Variants in TNNI3K observed in about 807,000 individuals in gnomAD.
TNNI3K encodes the protein TNNI3 interacting kinase.
Under a neutral mutation model 114.5 loss-of-function variants are expected in TNNI3K, and 140 were observed. The ratio of observed to expected loss-of-function variants is 1.22; its 90% CI spans 1.07 to 1.41. TNNI3K has a LOEUF of 1.41. Ranked by LOEUF, TNNI3K falls within the 40% of genes most tolerant of loss-of-function variation. The pLI, the probability that TNNI3K is intolerant of heterozygous loss-of-function variation, is 0.00. For synonymous variants in TNNI3K, 347 were observed against 347.5 expected, an observed-to-expected ratio of 1.00 and a Z score of 0.02; for missense variants, 1,125 against 1,007.6, an observed-to-expected ratio of 1.12 and a Z score of -1.58.
At chr1:74,249,072 C>A (rs2100844528) in intron 2 of TNNI3K, among the ~76,000 whole-genome samples, 1 of 151,968 alleles carries the variant, frequency 6.6e-6, no homozygotes. Flanking sequence ...ACATAATAAT[C>A]AATTTTATAT....
At chr1:74,532,117 C>A (rs1046145332) in intron 23 of TNNI3K, among the ~76,000 whole-genome samples, 19 of 152,118 alleles carry the variant, frequency 1.2e-4, no homozygotes, top group African/African-American at 4.6e-4. Context: ...TCCATGCATG[C>A]AGCTTAAAAA....
intron 7 of TNNI3K, among the ~76,000 whole-genome samples, chr1:74,337,599 A>G (rs184171309): frequency 3.4e-4 from 52 of 152,282 alleles, no homozygotes; most frequent in Middle Eastern, 6.8e-3. Flanking sequence ...GAAATCTTAA[A>G]TATATAACCT....
intron 9 of TNNI3K, among the ~76,000 whole-genome samples, chr1:74,344,621 G>A (rs1197250456): frequency 1.3e-5 from 2 of 152,084 alleles, no homozygotes; most frequent in Admixed American, 1.3e-4. Context: ...TTCCGTTTAG[G>A]TCATGCCTGT....
intron 17 of TNNI3K, among the ~76,000 whole-genome samples, chr1:74,423,221 TTTC>T (rs1441056564): frequency 6.6e-6 from 1 of 150,446 alleles, no homozygotes; most frequent in African/African-American, 2.4e-5. Context: ...TGTGGCCCTC[TTTC>T]TTTTGTCTCT....
intron 5 of TNNI3K, among the ~76,000 whole-genome samples, chr1:74,312,271 TG>T: frequency 6.6e-6 from 1 of 152,326 alleles, no homozygotes; most frequent in South Asian, 2.1e-4. Context: ...AGCAGTCACC[TG>T]CCAAAGAGGG....
chr1:74,356,153 T>C (rs12120640), intron 11 of TNNI3K, among the ~76,000 whole-genome samples: 15,763 of 152,202 alleles, frequency 0.1, 918 homozygotes, highest in Non-Finnish European at 0.13. Context: ...GTGTCTGGCT[T>C]TTTTCAGCCA....
intron 17 of TNNI3K, among the ~76,000 whole-genome samples, chr1:74,411,428 A>G (rs1196706131): frequency 1.3e-5 from 2 of 152,158 alleles, no homozygotes; most frequent in East Asian, 1.9e-4. Context: ...AGAAATTTTT[A>G]TATACAAATG....
intron 23 of TNNI3K, among the ~76,000 whole-genome samples, chr1:74,501,112 G>A (rs563856411): frequency 4.6e-5 from 7 of 151,958 alleles, no homozygotes; most frequent in South Asian, 2.1e-4. Context: ...ATTTTTTAAA[G>A]TTTCTCACTC....
intron 4 of TNNI3K, among the ~76,000 whole-genome samples, chr1:74,267,691 A>C (rs1358292670): frequency 1.3e-5 from 2 of 151,998 alleles, no homozygotes; most frequent in African/African-American, 2.4e-5. Context: ...TGCATAAGAT[A>C]AAAGTTTTAT....
At chr1:74,506,598 A>C (rs1264250561) in intron 23 of TNNI3K, among the ~76,000 whole-genome samples, 2 of 152,226 alleles carry the variant, frequency 1.3e-5, no homozygotes, top group Admixed American at 6.5e-5. Context: ...GCTGTGACTC[A>C]CAGACCAGCA....
intron 4 of TNNI3K, among the ~76,000 whole-genome samples, chr1:74,262,982 A>C (rs182335443): frequency 1.3e-5 from 2 of 152,040 alleles, no homozygotes; most frequent in Admixed American, 1.3e-4. Context: ...CTTCCTCTAT[A>C]TTAGCGGTCA....
At chr1:74,290,339 C>T (rs1657603592) in intron 5 of TNNI3K, among the ~76,000 whole-genome samples, 1 of 151,120 alleles carries the variant, frequency 6.6e-6, no homozygotes, top group Non-Finnish European at 1.5e-5. Context: ...GAAAAAAACC[C>T]AGCACCAATA....
intron 17 of TNNI3K, chr1:74,371,996 T>A (rs1662631104): frequency 6.6e-6 from 1 of 151,420 alleles, no homozygotes. Flanking sequence ...CAGAGTTTAT[T>A]CAAGCTCAAA....
chr1:74,429,518 G>C (rs779991069), intron 17 of TNNI3K, among the ~76,000 whole-genome samples: 1 of 152,122 alleles, frequency 6.6e-6, no homozygotes, highest in Admixed American at 6.5e-5. Context: ...AAAAGTTCAT[G>C]AGGGGTTTTC....
At chr1:74,429,018 A>G (rs1665768535) in intron 17 of TNNI3K, among the ~76,000 whole-genome samples, 1 of 152,050 alleles carries the variant, frequency 6.6e-6, no homozygotes, top group Non-Finnish European at 1.5e-5. Context: ...TTACTGTACA[A>G]TTGTTATTAT....
chr1:74,414,578 A>C (rs1339648339), intron 17 of TNNI3K, among the ~76,000 whole-genome samples: 2 of 152,218 alleles, frequency 1.3e-5, no homozygotes, highest in African/African-American at 4.8e-5. Context: ...GTTTAAAAAT[A>C]TTAATTGCTT....
intron 5 of TNNI3K, among the ~76,000 whole-genome samples, chr1:74,297,357 G>A (rs1371468382): frequency 2.0e-5 from 3 of 152,112 alleles, no homozygotes; most frequent in Non-Finnish European, 2.9e-5. Context: ...TTGGTGGTGG[G>A]ACTTTTGGGA....
intron 20 of TNNI3K, among the ~76,000 whole-genome samples, chr1:74,452,196 AG>A (rs1438721761): frequency 6.6e-6 from 1 of 152,126 alleles, no homozygotes; most frequent in Non-Finnish European, 1.5e-5. Context: ...CATTTTCACA[AG>A]TTCTGTTTCC....
At position 74,505,300 on chromosome 1, in the gene TNNI3K, C is replaced by G. The variant is rs544058788; in HGVS notation, c.2351+13034C>G. Reference sequence around the variant, plus strand: ...GGCCTAATTAAATCTATACAGGCAGCACTGTGTTCTGTTCATCCTCCCTGA... The same window carrying G: ...GGCCTAATTAAATCTATACAGGCAGGACTGTGTTCTGTTCATCCTCCCTGA... On this transcript the variant is annotated intron_variant, in intron 23 of 24. Coordinates refer to ENST00000326637, the MANE Select transcript of TNNI3K (RefSeq NM_015978.3). Among the ~76,000 whole-genome samples, 19 of 152,330 alleles carry G rather than the reference C, an allele frequency of 1.2e-4. No homozygotes were observed. In the South Asian group the frequency reaches 3.7e-3, roughly 30 times the overall value.
Sources: allele counts gnomAD v4.1 joint callset (sites outside exome capture counted in the v4.1 genomes callset), GRCh38; gene constraint gnomAD v4.1.1; transcripts MANE v1.5; gene names NCBI Gene and HGNC (gene_info 2026-07-23, HGNC 2026-07-21).